Variants in HMGCLL1 observed in about 807,000 individuals in gnomAD.
The protein encoded by HMGCLL1 is 3-hydroxymethyl-3-methylglutaryl-CoA lyase, cytoplasmic.
In HMGCLL1, 36 loss-of-function variants were observed where a neutral mutation model predicts 39.1. The ratio of observed to expected loss-of-function variants is 0.92; its 90% CI spans 0.71 to 1.22. HMGCLL1 has a LOEUF of 1.22. HMGCLL1 is among the 50% of genes most tolerant of loss of function. The pLI is 0.00. For synonymous variants in HMGCLL1, 149 were observed against 144.0 expected (o/e 1.03, Z -0.25); for missense variants, 451 against 416.5 (o/e 1.08, Z -0.72).
chr6:55,600,786 G>T, the HMGCLL1 span, among the ~76,000 whole-genome samples: 1 of 151,976 alleles, frequency 6.6e-6, no homozygotes, highest in Non-Finnish European at 1.5e-5. Flanking sequence ...TGCTAATGTT[G>T]CATGCATTTT....
chr6:55,591,620 A>C, the HMGCLL1 span, among the ~76,000 whole-genome samples: 2 of 147,374 alleles, frequency 1.4e-5, no homozygotes, highest in Non-Finnish European at 3.0e-5. Context: ...ACATTTTCCC[A>C]CATATCATGT....
the HMGCLL1 span, among the ~76,000 whole-genome samples, chr6:55,601,537 G>A: frequency 1.3e-5 from 2 of 152,012 alleles, no homozygotes; most frequent in South Asian, 2.1e-4. Context: ...CAAGAAATAA[G>A]GATATCAACT....
the HMGCLL1 span, among the ~76,000 whole-genome samples, chr6:55,596,123 G>A: frequency 6.6e-6 from 1 of 152,128 alleles, no homozygotes; most frequent in East Asian, 1.9e-4. Context: ...CCAGGAGTTT[G>A]AGAGCAGCCT....
chr6:55,562,477 T>C (rs892715768), intron 1 of HMGCLL1, among the ~76,000 whole-genome samples: 1 of 152,234 alleles, frequency 6.6e-6, no homozygotes, highest in East Asian at 1.9e-4. Flanking sequence ...GATGATTGTT[T>C]GGTAAAGGCC....
At chr6:55,575,702 T>C (rs1771729591) in intron 1 of HMGCLL1, among the ~76,000 whole-genome samples, 1 of 152,160 alleles carries the variant, frequency 6.6e-6, no homozygotes, top group Admixed American at 6.5e-5. Context: ...GTTGACAGCC[T>C]CCAGAAACCA....
At chr6:55,602,167 G>A in the HMGCLL1 span, among the ~76,000 whole-genome samples, 6 of 152,074 alleles carry the variant, frequency 3.9e-5, 1 homozygote, top group African/African-American at 1.4e-4. Flanking sequence ...TCAGCAGAAT[G>A]TATGCAGAGC....
the HMGCLL1 span, among the ~76,000 whole-genome samples, chr6:55,659,412 CTCTCT>C: frequency 6.6e-6 from 1 of 151,920 alleles, no homozygotes; most frequent in African/African-American, 2.4e-5. Flanking sequence ...CGCTCTTTGT[CTCTCT>C]GAAGGGCAAA....
intron 7 of HMGCLL1, among the ~76,000 whole-genome samples, chr6:55,462,157 C>T (rs1027012454): frequency 6.6e-6 from 1 of 152,140 alleles, no homozygotes; most frequent in Admixed American, 6.5e-5. Flanking sequence ...TATGACAATA[C>T]CTCATAAATG....
chr6:55,676,946 G>A, the HMGCLL1 span, among the ~76,000 whole-genome samples: 21 of 152,154 alleles, frequency 1.4e-4, no homozygotes, highest in Non-Finnish European at 2.8e-4. Context: ...TTATTACTTC[G>A]TATACTTGGA....
In HMGCLL1 at chr6:55,498,749, G is replaced by A. The variant is rs146692433; in HGVS notation, c.606+487C>T. 4.0e-3 allele frequency among the ~76,000 whole-genome samples: 606 copies of A among 152,148 alleles called. 6 individuals carry two copies. The highest frequency in any genetic ancestry group is 0.014 in the African/African-American group (569 of 41,524). ...AACCTATTGCTGTAAAATTGTTCTG[G>A]AATAACAGCAACTTAATCACAGCAG... is the stretch of plus-strand genomic sequence containing the variant. On this transcript the variant is annotated intron_variant, in intron 6 of 8. Transcript: ENST00000274901.
chr6:55,522,613 T>C (rs1259252437), intron 3 of HMGCLL1, among the ~76,000 whole-genome samples: 1 of 152,004 alleles, frequency 6.6e-6, no homozygotes, highest in Non-Finnish European at 1.5e-5. Context: ...CCTGAACAAA[T>C]GCAGTTACAA....
the HMGCLL1 span, among the ~76,000 whole-genome samples, chr6:55,590,226 C>G: frequency 6.6e-6 from 1 of 151,904 alleles, no homozygotes; most frequent in Non-Finnish European, 1.5e-5. Context: ...TGGAACAGAA[C>G]AGAGCCCTCA....
At chr6:55,526,465 T>C (rs1768327255) in intron 3 of HMGCLL1, among the ~76,000 whole-genome samples, 1 of 152,034 alleles carries the variant, frequency 6.6e-6, no homozygotes, top group Admixed American at 6.6e-5. Flanking sequence ...ATGCATCACT[T>C]TCCATTATTA....
upstream of HMGCLL1, among the ~76,000 whole-genome samples, chr6:55,581,948 T>C (rs1421725698): frequency 2.0e-5 from 3 of 152,202 alleles, no homozygotes; most frequent in Admixed American, 6.5e-5. Context: ...AACCTGTCTC[T>C]CCTGAATTAT....
intron 7 of HMGCLL1, among the ~76,000 whole-genome samples, chr6:55,454,357 C>A (rs1288433710): frequency 6.6e-6 from 1 of 152,134 alleles, no homozygotes; most frequent in African/African-American, 2.4e-5. Flanking sequence ...AAGGTGTATA[C>A]TGGAGGGCAT....
intron 3 of HMGCLL1, among the ~76,000 whole-genome samples, chr6:55,535,073 C>T (rs189043500): frequency 9.2e-5 from 14 of 152,298 alleles, no homozygotes; most frequent in Admixed American, 9.2e-4. Context: ...GTGGATCTAG[C>T]TCTCAGAGCA....
At chr6:55,550,665 T>A (rs1333179663) in intron 1 of HMGCLL1, among the ~76,000 whole-genome samples, 1 of 151,814 alleles carries the variant, frequency 6.6e-6, no homozygotes, top group African/African-American at 2.4e-5. Context: ...TAATTTTCAG[T>A]TATTTCATAT....
At position 55,495,524 on chromosome 6, in the gene HMGCLL1, T is replaced by C. The variant is rs1581855997; in HGVS notation, c.690A>G (p.Lys230=). Residue 230 remains lysine, a synonymous_variant, in exon 7 of 9, where the codon AAA becomes AAG. Coordinates refer to ENST00000274901, the MANE Select transcript of HMGCLL1 (RefSeq NM_001042406.2). The part of the protein sequence containing the change: ...TIGVGTPGSM[K]RMLESVMKEI... ...CTTTCATCACACTTTCCAACATTCT[T>C]TTCATACTTCCTGGAGTTCCCACTC... 6.2e-7 allele frequency: 1 copy of C among 1,613,948 alleles called. No homozygotes were observed. The highest frequency in any genetic ancestry group is 8.5e-7 in the Non-Finnish European group (1 of 1,179,882).
At chr6:55,578,816 G>T in intron 1 of HMGCLL1, 132 bp downstream of exon 1, 2 of 683,788 alleles carry the variant, frequency 2.9e-6, no homozygotes, top group South Asian at 1.7e-5. Flanking sequence ...TAACACGACA[G>T]AACTGCTGCG....
Sources: gnomAD v4.1 joint callset for allele counts (sites outside exome capture counted in the v4.1 genomes callset) on GRCh38, gnomAD v4.1.1 for gene constraint, MANE v1.5 for transcripts, NCBI Gene and HGNC (gene_info 2026-07-23, HGNC 2026-07-21) for gene names.